DMD: variants seen among roughly 807,000 people sequenced by gnomAD.
DMD encodes dystrophin.
DMD carries 63 observed loss-of-function variants against 330.1 expected under a neutral mutation model. That is an observed-to-expected ratio of 0.19 (90% CI 0.16 to 0.24). The LOEUF is 0.24. Among genes scored for constraint, DMD ranks in the 10% least tolerant of loss-of-function variants. DMD has a pLI of 1.00. For synonymous variants in DMD, 1,223 were observed against 959.8 expected, an observed-to-expected ratio of 1.27 and a Z score of -5.07; for missense variants, 3,344 against 2,684.1, an observed-to-expected ratio of 1.25 and a Z score of -5.43.
chrX:31,644,633 G>A (rs904429203), intron 54 of DMD, among the ~76,000 whole-genome samples: 5 of 112,062 alleles, frequency 4.5e-5, no homozygotes, highest in African/African-American at 1.3e-4. Context: ...AGAACCCAGC[G>A]CAAGCAAGCT....
chrX:31,515,268 G>A (rs753377315), intron 55 of DMD, among the ~76,000 whole-genome samples: 6 of 111,445 alleles, frequency 5.4e-5, no homozygotes, highest in African/African-American at 1.3e-4. Flanking sequence ...ATGAATAATC[G>A]TATCCACATA....
chrX:33,306,411 C>A (rs755539999), intron 1 of DMD, among the ~76,000 whole-genome samples: 1 of 111,510 alleles, frequency 9.0e-6, no homozygotes, highest in South Asian at 3.7e-4. Flanking sequence ...TTTAATATAA[C>A]GTATGGTCAT....
intron 16 of DMD, among the ~76,000 whole-genome samples, chrX:32,565,423 C>T (rs904557508): frequency 9.0e-6 from 1 of 111,199 alleles, no homozygotes; most frequent in Non-Finnish European, 1.9e-5. Context: ...TATACAGTTC[C>T]CAGCATTTTG....
At chrX:32,041,255 T>A (rs370473984) in intron 44 of DMD, among the ~76,000 whole-genome samples, 2 of 112,027 alleles carry the variant, frequency 1.8e-5, no homozygotes, top group East Asian at 5.7e-4. Flanking sequence ...CTATTGAACA[T>A]CTTTTCTCAA....
At chrX:31,665,033 T>C (rs1312030042) in intron 53 of DMD, among the ~76,000 whole-genome samples, 1 of 111,637 alleles carries the variant, frequency 9.0e-6, no homozygotes, top group Non-Finnish European at 1.9e-5. Flanking sequence ...CACATGAGAA[T>C]ATAAATGCTC....
intron 67 of DMD, among the ~76,000 whole-genome samples, chrX:31,197,301 C>G (rs2042997829): frequency 8.9e-6 from 1 of 111,875 alleles, no homozygotes; most frequent in Non-Finnish European, 1.9e-5. Context: ...TTCTGGAATG[C>G]TTTCTCATTT....
chrX:33,047,606 CT>C (rs1229965550), intron 1 of DMD, among the ~76,000 whole-genome samples: 2 of 111,959 alleles, frequency 1.8e-5, no homozygotes, highest in Non-Finnish European at 3.8e-5. Flanking sequence ...TTTAAAAAAT[CT>C]ATTTTCCAAA....
intron 1 of DMD, among the ~76,000 whole-genome samples, chrX:33,222,970 G>C (rs1384865202): frequency 1.8e-5 from 2 of 111,946 alleles, no homozygotes; most frequent in Non-Finnish European, 3.8e-5. Context: ...TTAACAAAGA[G>C]ATTCTAAAAA....
intron 29 of DMD, among the ~76,000 whole-genome samples, chrX:32,427,767 G>A (rs1178564319): frequency 9.0e-6 from 1 of 111,014 alleles, no homozygotes; most frequent in Non-Finnish European, 1.9e-5. Context: ...GTCTAATATA[G>A]TCTTTGTAGG....
At chrX:32,435,652 A>G (rs954485856) in intron 29 of DMD, among the ~76,000 whole-genome samples, 12 of 110,936 alleles carry the variant, frequency 1.1e-4, no homozygotes, top group Non-Finnish European at 2.1e-4. Flanking sequence ...AAGTTCTGTC[A>G]GTAAAGGATG....
rs377587957 is a variant in DMD at position 32,697,946 on chromosome X, C to A, written c.884G>T (p.Arg295Leu). ...CTGTGTGTAGGCATAGCTCTTGAAT[C>A]GAGGCTTAGGGGAAGAAGTTCTCTC... Reference protein sequence around the residue: ...GYERTSSPKPRFKSYAYTQAA... With the variant: ...GYERTSSPKPLFKSYAYTQAA... The change falls in exon 9 of 79, where the codon CGA (arginine) becomes CTA (leucine). Residue 295 changes from arginine to leucine, a missense_variant. Transcript: ENST00000357033. The A allele has an allele frequency of 8.3e-6, 10 of 1,203,112 alleles. No individual in the cohort carries two copies. Among genetic ancestry groups the A allele is most frequent in the Middle Eastern group, 2.3e-4 (1 of 4,346 alleles).
At chrX:31,614,715 C>T (rs1445347528) in intron 55 of DMD, among the ~76,000 whole-genome samples, 1 of 111,846 alleles carries the variant, frequency 8.9e-6, no homozygotes, top group East Asian at 2.8e-4. Flanking sequence ...ATGCACAGAC[C>T]TTTGTGCAAT....
rs1239593756 is a variant in DMD, at chrX:31,850,300, G to C, written c.7099-13481C>G. Among the ~76,000 whole-genome samples the C allele has an allele frequency of 2.7e-5, 3 of 112,423 alleles. No individual in the cohort carries two copies. The East Asian group carries it at 8.4e-4, about 31-fold the overall frequency. On this transcript the variant is annotated intron_variant, in intron 48 of 78. Transcript: ENST00000357033. ...ACTTTGTAAACATTATCTATTGTAC[G>C]ATATATCTCAAGTTCAGAGGTGTTG... is the stretch of plus-strand genomic sequence containing the variant.
intron 21 of DMD, among the ~76,000 whole-genome samples, chrX:32,475,748 A>G (rs763559853): frequency 3.6e-5 from 4 of 111,029 alleles, no homozygotes; most frequent in African/African-American, 1.3e-4. Context: ...ATGTTGCTGA[A>G]TTATTTTATC....
intron 7 of DMD, among the ~76,000 whole-genome samples, chrX:32,717,689 A>T (rs2065872952): frequency 9.0e-6 from 1 of 110,906 alleles, no homozygotes; most frequent in Admixed American, 9.6e-5. Flanking sequence ...CTCCAGTGAC[A>T]GTTTGCACCA....
chrX:31,317,945 A>G, intron 62 of DMD, among the ~76,000 whole-genome samples: 1 of 112,524 alleles, frequency 8.9e-6, no homozygotes, highest in Admixed American at 9.4e-5. Context: ...GTTAAGGCTA[A>G]GATGTAGTTA....
chrX:31,223,618 A>G (rs1050117300), intron 63 of DMD, among the ~76,000 whole-genome samples: 2 of 111,957 alleles, frequency 1.8e-5, no homozygotes, highest in South Asian at 3.7e-4. Context: ...ATATAATCAA[A>G]TAAATCATCC....
chrX:31,639,551 G>A (rs765523234), intron 54 of DMD, among the ~76,000 whole-genome samples: 4 of 111,644 alleles, frequency 3.6e-5, no homozygotes, highest in Admixed American at 9.5e-5. Flanking sequence ...GGAAAATTAC[G>A]CTATGGATGA....
chrX:32,468,839 G>A, intron 22 of DMD, 129 bp from the exon 23 acceptor site: 2 of 536,527 alleles, frequency 3.7e-6, no homozygotes, highest in Non-Finnish European at 6.1e-6. Flanking sequence ...TCTTCTATCA[G>A]TTATAAACTT....
Sources: allele counts gnomAD v4.1 joint callset (sites outside exome capture counted in the v4.1 genomes callset), GRCh38; gene constraint gnomAD v4.1.1; transcripts MANE v1.5; gene names NCBI Gene and HGNC (gene_info 2026-07-23, HGNC 2026-07-21).